RBFOX1: variants seen among roughly 807,000 people sequenced by gnomAD.
RBFOX1 encodes the protein RNA binding protein fox-1 homolog 1.
RBFOX1 carries 8 observed loss-of-function variants against 57.7 expected under a neutral mutation model. The ratio of observed to expected loss-of-function variants is 0.14; its 90% CI spans 0.08 to 0.25. The LOEUF (loss-of-function observed/expected upper bound fraction) is 0.25. RBFOX1 is among the 10% of genes least tolerant of loss of function. RBFOX1 has a pLI of 1.00. For missense variants in RBFOX1, 611 were observed against 548.5 expected (o/e 1.11, Z -1.14); for synonymous variants, 326 against 222.4 (o/e 1.47, Z -4.15).
chr16:7,128,286 G>T (rs1388760707), intron 4 of RBFOX1, among the ~76,000 whole-genome samples: 1 of 152,152 alleles, frequency 6.6e-6, no homozygotes, highest in African/African-American at 2.4e-5. Flanking sequence ...CAATAATTCT[G>T]CAAGATAGGT....
Position 6,357,044 on chromosome 16 carries a change from G to T in RBFOX1, c.-64+39987G>T, listed in dbSNP as rs368264071. On this transcript the variant is annotated intron_variant, in intron 2 of 15. Transcript: ENST00000550418. Reference sequence around the variant, plus strand: ...CTGTGATTCTGCTGTCCTGCACCCGGGGACCTCTATTTGGAGCAGTATTTG... The same window carrying T: ...CTGTGATTCTGCTGTCCTGCACCCGTGGACCTCTATTTGGAGCAGTATTTG... Among the ~76,000 whole-genome samples, 6 of 152,144 alleles carry T rather than the reference G, an allele frequency of 3.9e-5. 1 individual carries two copies. In the South Asian group the frequency reaches 6.2e-4, roughly 16 times the overall value.
At chr16:7,255,831 T>C (rs1173890756) in intron 4 of RBFOX1, among the ~76,000 whole-genome samples, 1 of 152,238 alleles carries the variant, frequency 6.6e-6, no homozygotes, top group Admixed American at 6.5e-5. Context: ...ATTTTTATAC[T>C]GACAGCACGT....
chr16:6,284,195 G>A (rs758805881), intron 1 of RBFOX1, among the ~76,000 whole-genome samples: 3 of 152,126 alleles, frequency 2.0e-5, no homozygotes, highest in South Asian at 2.1e-4. Flanking sequence ...ATATAATTCT[G>A]CTTGCAATTT....
chr16:7,292,016 G>C (rs199604934), intron 4 of RBFOX1, among the ~76,000 whole-genome samples: 52 of 116,042 alleles, frequency 4.5e-4, no homozygotes, highest in African/African-American at 1.7e-3. Flanking sequence ...ATTATATATT[G>C]TATATATTAT....
intron 4 of RBFOX1, among the ~76,000 whole-genome samples, chr16:7,142,511 A>G (rs1367724745): frequency 6.6e-6 from 1 of 152,046 alleles, no homozygotes; most frequent in Non-Finnish European, 1.5e-5. Context: ...GAGTGTTTGT[A>G]TGGGCTCTTC....
At chr16:6,668,371 C>T (rs1412407970) in intron 3 of RBFOX1, among the ~76,000 whole-genome samples, 2 of 152,188 alleles carry the variant, frequency 1.3e-5, no homozygotes, top group Admixed American at 6.5e-5. Context: ...TTGTTTCTGT[C>T]ACAGAATCTG....
chr16:5,909,772 C>T (rs1285078499), intron 4 of RBFOX1, among the ~76,000 whole-genome samples: 2 of 152,138 alleles, frequency 1.3e-5, no homozygotes, highest in African/African-American at 4.8e-5. Context: ...AGCAACGTGG[C>T]TGGGCGTGGT....
At chr16:7,175,700 C>T (rs777618325) in intron 4 of RBFOX1, among the ~76,000 whole-genome samples, 5 of 152,198 alleles carry the variant, frequency 3.3e-5, no homozygotes, top group Admixed American at 6.5e-5. Flanking sequence ...TCAAGCTTCC[C>T]GAGGTTACCT....
intron 4 of RBFOX1, among the ~76,000 whole-genome samples, chr16:5,876,266 C>A (rs190488226): frequency 2.6e-5 from 4 of 151,534 alleles, no homozygotes; most frequent in Admixed American, 2.6e-4. Context: ...CAAGTCATTC[C>A]GCCTGCCTTA....
chr16:6,585,435 A>C (rs1403052282), intron 2 of RBFOX1, among the ~76,000 whole-genome samples: 2 of 152,182 alleles, frequency 1.3e-5, no homozygotes, highest in Non-Finnish European at 2.9e-5. Context: ...GTTGACTTGT[A>C]TTCTCGGTCC....
At chr16:7,467,991 T>A (rs2060837474) in intron 4 of RBFOX1, among the ~76,000 whole-genome samples, 1 of 152,236 alleles carries the variant, frequency 6.6e-6, no homozygotes, top group East Asian at 1.9e-4. Flanking sequence ...TCCAATACAT[T>A]CACTGCAAGT....
At chr16:7,061,149 C>T (rs1473696636) in intron 4 of RBFOX1, among the ~76,000 whole-genome samples, 3 of 152,132 alleles carry the variant, frequency 2.0e-5, no homozygotes, top group Admixed American at 6.5e-5. Flanking sequence ...AGGGAGTTTG[C>T]CCCAAAGTAA....
At chr16:6,387,942 T>A (rs368738756) in intron 2 of RBFOX1, among the ~76,000 whole-genome samples, 11 of 151,206 alleles carry the variant, frequency 7.3e-5, no homozygotes, top group African/African-American at 2.7e-4. Flanking sequence ...CATGCGCACC[T>A]ATCAGAACCA....
chr16:5,688,428 C>A (rs942469685), intron 3 of RBFOX1, among the ~76,000 whole-genome samples: 1 of 152,220 alleles, frequency 6.6e-6, no homozygotes, highest in African/African-American at 2.4e-5. Flanking sequence ...GCTAGTTACC[C>A]TCATGTTGCC....
intron 4 of RBFOX1, among the ~76,000 whole-genome samples, chr16:7,365,101 C>T (rs906799295): frequency 2.6e-5 from 4 of 152,176 alleles, no homozygotes; most frequent in African/African-American, 9.7e-5. Context: ...ATCCATCTAT[C>T]CATCCCAATA....
chr16:6,957,175 A>T (rs906133581), intron 3 of RBFOX1, among the ~76,000 whole-genome samples: 6 of 139,054 alleles, frequency 4.3e-5, no homozygotes, highest in South Asian at 2.4e-4. Context: ...TCTGTCACCC[A>T]GGCTGCAGTG....
At chr16:6,933,523 A>G (rs1323661646) in intron 3 of RBFOX1, among the ~76,000 whole-genome samples, 1 of 152,170 alleles carries the variant, frequency 6.6e-6, no homozygotes, top group East Asian at 1.9e-4. Context: ...GACCAGCCTG[A>G]CCAGCATGGT....
rs371095352 is a variant in RBFOX1, at chr16:7,297,510, T to A, written c.28-220637T>A. ...CTGGGTTACTGAAATCCTGTATGGA[T>A]GCTAAGGTGCTATGTAGCTTAGTCC... is the stretch of plus-strand genomic sequence containing the variant. On this transcript the variant is annotated intron_variant, in intron 4 of 15. Transcript: ENST00000550418. Among the ~76,000 whole-genome samples, 24 of 152,304 alleles carry A rather than the reference T, an allele frequency of 1.6e-4. No individual in the cohort carries two copies. In the East Asian group the frequency reaches 3.9e-3, roughly 25 times the overall value.
intron 1 of RBFOX1, among the ~76,000 whole-genome samples, chr16:5,407,357 G>T (rs951241327): frequency 1.3e-5 from 2 of 152,194 alleles, no homozygotes; most frequent in South Asian, 4.2e-4. Context: ...TGAAAGAAGA[G>T]TAGGAATTAG....
Sources: gnomAD v4.1 joint callset for allele counts (sites outside exome capture counted in the v4.1 genomes callset) on GRCh38, gnomAD v4.1.1 for gene constraint, MANE v1.5 for transcripts, NCBI Gene and HGNC (gene_info 2026-07-23, HGNC 2026-07-21) for gene names.